The following OR3A2 variants were observed in gnomAD, a reference collection of about 807,000 sequenced individuals.
OR3A2 encodes the protein olfactory receptor family 3 subfamily A member 2.
For missense variants in OR3A2, 318 were observed against 392.8 expected (o/e 0.81, Z 1.61); for synonymous variants, 126 against 159.3 (o/e 0.79, Z 1.57).
At chr17:3,285,788 AAAC>A (rs1260216530), upstream of OR3A2, among the ~76,000 whole-genome samples, 12 of 152,242 alleles carry the variant, frequency 7.9e-5, no homozygotes, top group South Asian at 2.1e-4. Context: ...AATCCCTCCC[AAAC>A]AACAACAACA....
In OR3A2 at chr17:3,311,489, C is replaced by T. The variant is rs59620735; in HGVS notation, c.-85+24544G>A. On this transcript the variant is annotated intron_variant, in intron 3 of 4. Coordinates refer to the OR3A2 transcript ENST00000573491. The surrounding 1 kb of genome is among the most constrained non-coding windows in gnomAD (Gnocchi z 4.6). ...CTGACTCACACAGTGGCTGTGTCTG[C>T]GCTTGACTTCTGTGGCCCTAATGTG... is the stretch of plus-strand genomic sequence containing the variant. 3,222 of 436,618 alleles carry T rather than the reference C, an allele frequency of 7.4e-3. 92 individuals are homozygous for T. Among genetic ancestry groups the T allele is most frequent in the African/African-American group, 0.059 (2,886 of 48,800 alleles). The allele number at this position is 436,618 out of a possible 1,614,324, so 27.0% of individuals were successfully genotyped here.
chr17:3,335,982 T>G (rs978183975), intron 3 of OR3A2, 47 bp downstream of exon 2: 1 of 152,340 alleles, frequency 6.6e-6, no homozygotes, highest in Non-Finnish European at 1.5e-5. Flanking sequence ...ATTTCCACTC[T>G]GATTTACTCA....
chr17:3,347,816 T>C (rs1042763977), intron 2 of OR3A2, among the ~76,000 whole-genome samples: 43 of 152,308 alleles, frequency 2.8e-4, no homozygotes, highest in African/African-American at 9.6e-4. Context: ...TGAGGAATCG[T>C]CACACTGACT....
chr17:3,347,859 C>G (rs1385655194), intron 2 of OR3A2, among the ~76,000 whole-genome samples: 1 of 152,208 alleles, frequency 6.6e-6, no homozygotes, highest in Non-Finnish European at 1.5e-5. Flanking sequence ...ACAGTCCCAC[C>G]AACAGTGTAA....
intron 3 of OR3A2, among the ~76,000 whole-genome samples, chr17:3,299,414 G>C (rs1337713027): frequency 6.6e-6 from 1 of 152,174 alleles, no homozygotes; most frequent in East Asian, 1.9e-4. Context: ...ATTGCATCTT[G>C]GGGACCCCAT....
At chr17:3,344,936 C>T (rs1248628020) in intron 2 of OR3A2, among the ~76,000 whole-genome samples, 1 of 152,190 alleles carries the variant, frequency 6.6e-6, no homozygotes, top group African/African-American at 2.4e-5. Flanking sequence ...GAGGATCAAA[C>T]AAAGTCTCTA....
chr17:3,350,529 T>A (rs1353013065), intron 2 of OR3A2, among the ~76,000 whole-genome samples: 1 of 151,902 alleles, frequency 6.6e-6, no homozygotes, highest in Non-Finnish European at 1.5e-5. Context: ...GCTGAAATTG[T>A]GGCAATAATC....
chr17:3,379,393 C>T (rs1438223630), intron 2 of OR3A2, among the ~76,000 whole-genome samples: 1 of 152,168 alleles, frequency 6.6e-6, no homozygotes, highest in Non-Finnish European at 1.5e-5. Flanking sequence ...AGGCTGAGAT[C>T]CCCACAACTC....
At chr17:3,279,441 A>G (rs2048764299) in intron 1 of OR3A2, among the ~76,000 whole-genome samples, 1 of 152,256 alleles carries the variant, frequency 6.6e-6, no homozygotes, top group Middle Eastern at 3.2e-3. Context: ...CTGAGGGATC[A>G]TCCCAAACTA....
At chr17:3,336,867 C>T (rs1184917181) in intron 2 of OR3A2, among the ~76,000 whole-genome samples, 5 of 152,180 alleles carry the variant, frequency 3.3e-5, no homozygotes, top group South Asian at 2.1e-4. Flanking sequence ...AGTAAACAAA[C>T]GCTGCATCCC....
chr17:3,332,483 C>G (rs1462017093), intron 3 of OR3A2, among the ~76,000 whole-genome samples: 1 of 152,232 alleles, frequency 6.6e-6, no homozygotes, highest in Non-Finnish European at 1.5e-5. Context: ...TCCGTCACCC[C>G]TTTCTTTGAC....
At chr17:3,386,296 C>G (rs2931819), upstream of OR3A2, 217,215 of 398,150 alleles carry the variant, frequency 0.55, 63,976 homozygotes, top group East Asian at 1. Flanking sequence ...CTACGACCGC[C>G]CGACGGCGGC....
chr17:3,319,252 G>A (rs1235891937), intron 3 of OR3A2, among the ~76,000 whole-genome samples: 1 of 152,132 alleles, frequency 6.6e-6, no homozygotes, highest in Non-Finnish European at 1.5e-5. Context: ...TTGAGTCTGA[G>A]GGATTAGCAG....
At chr17:3,293,578 C>T (rs1319552868) in intron 3 of OR3A2, among the ~76,000 whole-genome samples, 1 of 151,926 alleles carries the variant, frequency 6.6e-6, no homozygotes, top group Admixed American at 6.6e-5. Context: ...ATCATATAAA[C>T]AAGGATTCTA....
intron 2 of OR3A2, among the ~76,000 whole-genome samples, chr17:3,356,321 G>A (rs1386860889): frequency 6.6e-6 from 1 of 151,418 alleles, no homozygotes; most frequent in East Asian, 1.9e-4. Context: ...ACTATTACCA[G>A]TCAGTTTTGT....
upstream of OR3A2, among the ~76,000 whole-genome samples, chr17:3,287,511 AG>A (rs1241990709): frequency 2.0e-5 from 3 of 152,362 alleles, no homozygotes; most frequent in East Asian, 5.8e-4. Context: ...TAATTATAAC[AG>A]CCATTTAAAA....
At chr17:3,329,569 A>AC (rs1555527728) in intron 3 of OR3A2, among the ~76,000 whole-genome samples, 1 of 133,962 alleles carries the variant, frequency 7.5e-6, no homozygotes, top group Non-Finnish European at 1.6e-5. Context: ...CCCCTTTATC[A>AC]TTTTTTATTG....
At chr17:3,346,068 G>C (rs1486844033) in intron 2 of OR3A2, among the ~76,000 whole-genome samples, 2 of 151,956 alleles carry the variant, frequency 1.3e-5, no homozygotes, top group African/African-American at 4.8e-5. Flanking sequence ...ATAAAAGCTA[G>C]ACAAAATATT....
rs2048864962 is a variant in OR3A2 at position 3,291,387 on chromosome 17, C to G, written c.-84-12234G>C. ...CAGCTTCCTAGGTTTCACCTCTAGC[C>G]AGAAAGGAGAGAACACGGTGCCTGA... On this transcript the variant is annotated intron_variant, in intron 3 of 4. Coordinates refer to the OR3A2 transcript ENST00000573491. The G allele has an allele frequency of 1.8e-5, 7 of 390,846 alleles. No individual in the cohort carries two copies. The East Asian group carries it at 2.6e-4, about 15-fold the overall frequency. The allele number at this position is 390,846 out of a possible 1,614,324, so 24.2% of individuals were successfully genotyped here.
Sources: gnomAD v4.1 joint callset for allele counts (sites outside exome capture counted in the v4.1 genomes callset) on GRCh38, gnomAD v4.1.1 for gene constraint, Gnocchi (gnomAD v3.1) non-coding constraint, MANE v1.5 for transcripts, NCBI Gene and HGNC (gene_info 2026-07-23, HGNC 2026-07-21) for gene names.